The following SH3BGR variants were observed in gnomAD, a reference collection of about 807,000 sequenced individuals.
The protein encoded by SH3BGR is SH3 domain binding glutamate rich protein.
In SH3BGR, 29 loss-of-function variants were observed where a neutral mutation model predicts 24.5. The ratio of observed to expected loss-of-function variants is 1.18; its 90% CI spans 0.88 to 1.61. The LOEUF (loss-of-function observed/expected upper bound fraction) is 1.61, where lower values mean the gene tolerates loss of function less well. Among genes scored for constraint, SH3BGR ranks in the 40% most tolerant of loss-of-function variants. SH3BGR has a pLI of 0.00. For synonymous variants in SH3BGR, 55 were observed against 65.7 expected, an observed-to-expected ratio of 0.84 and a Z score of 0.79; for missense variants, 162 against 205.8, an observed-to-expected ratio of 0.79 and a Z score of 1.30.
At chr21:39,462,285 T>G in intron 1 of SH3BGR, 90 bp from the exon 2 acceptor site, 2 of 871,310 alleles carry the variant, frequency 2.3e-6, no homozygotes, top group South Asian at 3.2e-5. Context: ...ATTTGTGTTG[T>G]ATAGTATAAC....
intron 3 of SH3BGR, among the ~76,000 whole-genome samples, chr21:39,490,391 G>C (rs561638319): frequency 1.8e-4 from 28 of 152,294 alleles, no homozygotes; most frequent in African/African-American, 6.5e-4. Flanking sequence ...GAGACGATCC[G>C]TTTGGATTTT....
intron 4 of SH3BGR, among the ~76,000 whole-genome samples, chr21:39,505,978 A>T (rs1182443259): frequency 6.6e-6 from 1 of 152,230 alleles, no homozygotes; most frequent in Non-Finnish European, 1.5e-5. Context: ...TCTATGGTAC[A>T]TATAATGAAT....
At chr21:39,490,823 C>A (rs1239043171) in intron 3 of SH3BGR, among the ~76,000 whole-genome samples, 1 of 151,630 alleles carries the variant, frequency 6.6e-6, no homozygotes, top group African/African-American at 2.4e-5. Context: ...TGACTTCCCT[C>A]CCAGGCTAAA....
chr21:39,450,158 G>A (rs1267637109), upstream of SH3BGR, among the ~76,000 whole-genome samples: 1 of 152,042 alleles, frequency 6.6e-6, no homozygotes, highest in Non-Finnish European at 1.5e-5. Flanking sequence ...ATATATAATT[G>A]TATGAAAAAA....
At chr21:39,482,859 G>A (rs1256215125) in intron 3 of SH3BGR, among the ~76,000 whole-genome samples, 3 of 152,110 alleles carry the variant, frequency 2.0e-5, no homozygotes, top group Admixed American at 6.5e-5. Flanking sequence ...TAGTAGAGAC[G>A]AGGTTTCACC....
At chr21:39,454,166 G>C (rs1490565051) in intron 1 of SH3BGR, among the ~76,000 whole-genome samples, 1 of 152,180 alleles carries the variant, frequency 6.6e-6, no homozygotes, top group Non-Finnish European at 1.5e-5. Flanking sequence ...TTCATGGGTA[G>C]AGAAATTTCA....
At chr21:39,508,414 G>T (rs2078620630) in intron 4 of SH3BGR, among the ~76,000 whole-genome samples, 1 of 152,224 alleles carries the variant, frequency 6.6e-6, no homozygotes, top group African/African-American at 2.4e-5. Flanking sequence ...GGCTTGCACA[G>T]TAGAGACCTA....
intron 4 of SH3BGR, among the ~76,000 whole-genome samples, chr21:39,506,932 GC>G (rs2123537875): frequency 6.6e-6 from 1 of 152,312 alleles, no homozygotes; most frequent in African/African-American, 2.4e-5. Context: ...CTCTTTAGGA[GC>G]TTCCTTCAGC....
At chr21:39,492,829 G>T (rs1276836009) in intron 3 of SH3BGR, among the ~76,000 whole-genome samples, 1 of 152,052 alleles carries the variant, frequency 6.6e-6, no homozygotes, top group South Asian at 2.1e-4. Flanking sequence ...CAGGAGTAAG[G>T]TGGTATCACA....
At chr21:39,456,037 C>T (rs981370561) in intron 1 of SH3BGR, among the ~76,000 whole-genome samples, 5 of 152,166 alleles carry the variant, frequency 3.3e-5, no homozygotes, top group African/African-American at 9.7e-5. Flanking sequence ...CTCTTTTTGC[C>T]TTTCTAATAG....
At chr21:39,512,142 A>C (rs1057165667) in intron 6 of SH3BGR, among the ~76,000 whole-genome samples, 1 of 152,216 alleles carries the variant, frequency 6.6e-6, no homozygotes, top group Non-Finnish European at 1.5e-5. Context: ...GTTTGAGAGA[A>C]GATACAGCAA....
intron 1 of SH3BGR, among the ~76,000 whole-genome samples, chr21:39,453,629 T>C (rs2837039): frequency 0.18 from 27,334 of 152,196 alleles, 2,571 homozygotes; most frequent in Middle Eastern, 0.26. Flanking sequence ...TTGGATGACC[T>C]GGAGAGGCAA....
At chr21:39,482,826 C>T (rs113259402) in intron 3 of SH3BGR, among the ~76,000 whole-genome samples, 3,739 of 152,180 alleles carry the variant, frequency 0.025, 168 homozygotes, top group African/African-American at 0.086. Flanking sequence ...CCCGCCACCA[C>T]GCCCAGCTAA....
intron 5 of SH3BGR, among the ~76,000 whole-genome samples, chr21:39,509,727 G>A (rs2078644324): frequency 1.3e-5 from 2 of 151,834 alleles, no homozygotes; most frequent in African/African-American, 4.8e-5. Flanking sequence ...CACCCACCTC[G>A]GCCTCCCAAA....
intron 1 of SH3BGR, among the ~76,000 whole-genome samples, chr21:39,453,945 A>G (rs2077614561): frequency 6.6e-6 from 1 of 152,196 alleles, no homozygotes; most frequent in African/African-American, 2.4e-5. Context: ...TGCTACTATA[A>G]TTGTTATTAT....
At chr21:39,446,341 A>G (rs1165398248) in intron 1 of SH3BGR, among the ~76,000 whole-genome samples, 2 of 152,240 alleles carry the variant, frequency 1.3e-5, no homozygotes. Context: ...AGGAAGACTT[A>G]CATTGTTTCC....
intron 3 of SH3BGR, among the ~76,000 whole-genome samples, chr21:39,487,373 G>T (rs561178841): frequency 1.3e-5 from 2 of 152,194 alleles, no homozygotes; most frequent in South Asian, 4.2e-4. Flanking sequence ...GAACTCCTGG[G>T]CTCAAGTGAT....
At chr21:39,453,882 A>G (rs543479468) in intron 1 of SH3BGR, among the ~76,000 whole-genome samples, 1 of 152,348 alleles carries the variant, frequency 6.6e-6, no homozygotes, top group African/African-American at 2.4e-5. Flanking sequence ...GAAATATTCT[A>G]ATGATTAGTG....
chr21:39,515,267 A>C lies in SH3BGR; in HGVS notation c.*214A>C. ...AATTAAATGTGAAGACCGTTTATGC[A>C]TACCTTCATGTGCCTGACAGTCTTG... On this transcript the variant is annotated 3_prime_UTR_variant, in exon 7 of 7. Transcript: ENST00000333634. 1 of 328,788 alleles carries C rather than the reference A, an allele frequency of 3.0e-6. No individual in the cohort carries two copies. The allele number at this position is 328,788 out of a possible 1,614,324, so 20.4% of individuals were successfully genotyped here. A position where few individuals can be genotyped will look rare whatever the true frequency, so the allele number is the denominator to read the frequency against.
Sources: allele counts gnomAD v4.1 joint callset (sites outside exome capture counted in the v4.1 genomes callset), GRCh38; gene constraint gnomAD v4.1.1; transcripts MANE v1.5; gene names NCBI Gene and HGNC (gene_info 2026-07-23, HGNC 2026-07-21).